Variants in NTM observed in about 807,000 individuals in gnomAD.
The protein encoded by NTM is neurotrimin.
In NTM, 13 loss-of-function variants were observed where a neutral mutation model predicts 42.1. The observed-to-expected ratio is 0.31, with a 90% CI of 0.20 to 0.49. The LOEUF is 0.49. Ranked by LOEUF, NTM falls within the 20% of genes least tolerant of loss-of-function variation. The probability of loss-of-function intolerance (pLI) is 0.99; values close to 1 mark genes in which losing one functional copy is unlikely to be tolerated. For synonymous variants in NTM, 187 were observed against 179.2 expected (o/e 1.04, Z -0.35); for missense variants, 373 against 452.8 (o/e 0.82, Z 1.60).
At chr11:132,000,243 C>T (rs1460409526) in intron 2 of NTM, among the ~76,000 whole-genome samples, 6 of 152,216 alleles carry the variant, frequency 3.9e-5, no homozygotes, top group Non-Finnish European at 8.8e-5. Context: ...TGCCCTGTTC[C>T]AATAGCCTCC....
intron 4 of NTM, among the ~76,000 whole-genome samples, chr11:132,259,088 G>A (rs1230897615): frequency 2.0e-5 from 3 of 152,178 alleles, no homozygotes; most frequent in Admixed American, 6.5e-5. Context: ...GTGAGTCACT[G>A]CTAGATACGG....
chr11:131,792,089 A>G (rs1179121250), intron 1 of NTM, among the ~76,000 whole-genome samples: 2 of 152,206 alleles, frequency 1.3e-5, no homozygotes, highest in Non-Finnish European at 2.9e-5. Flanking sequence ...TTTCTGTTTT[A>G]AATAACTTTC....
At chr11:131,776,851 A>G (rs919268583) in intron 1 of NTM, among the ~76,000 whole-genome samples, 6 of 152,120 alleles carry the variant, frequency 3.9e-5, no homozygotes, top group African/African-American at 1.4e-4. Flanking sequence ...CAGCCAGCCA[A>G]AGAAGGAAGA....
intron 4 of NTM, among the ~76,000 whole-genome samples, chr11:132,278,735 AT>A (rs1454618784): frequency 7.6e-6 from 1 of 131,670 alleles, no homozygotes; most frequent in Non-Finnish European, 1.6e-5. Flanking sequence ...CTTAACCTTC[AT>A]TTGGGCTTCT....
intron 1 of NTM, among the ~76,000 whole-genome samples, chr11:131,760,309 C>T (rs895768222): frequency 6.6e-6 from 1 of 152,086 alleles, no homozygotes; most frequent in African/African-American, 2.4e-5. Context: ...TTTTTATAGA[C>T]TTTCTGTTCC....
intron 2 of NTM, among the ~76,000 whole-genome samples, chr11:132,078,990 C>T (rs1291006123): frequency 6.6e-6 from 1 of 152,130 alleles, no homozygotes; most frequent in South Asian, 2.1e-4. Context: ...GCACACTTGA[C>T]CCTTGCATCC....
intron 8 of NTM, among the ~76,000 whole-genome samples, chr11:132,331,369 C>T (rs1342451107): frequency 6.6e-6 from 1 of 152,124 alleles, no homozygotes; most frequent in Non-Finnish European, 1.5e-5. Flanking sequence ...AGACACTCAG[C>T]CACAGGAATT....
intron 1 of NTM, among the ~76,000 whole-genome samples, chr11:131,517,605 T>C (rs2049061009): frequency 6.6e-6 from 1 of 152,222 alleles, no homozygotes. Context: ...TTCCCTTCTT[T>C]TGTTTTTAAG....
chr11:131,994,061 T>C (rs545762554), intron 2 of NTM, among the ~76,000 whole-genome samples: 1 of 148,362 alleles, frequency 6.7e-6, no homozygotes, highest in East Asian at 2.0e-4. Flanking sequence ...AGCAGCATAA[T>C]AGAAATCAAG....
intron 3 of NTM, among the ~76,000 whole-genome samples, chr11:132,157,904 G>A (rs2073536354): frequency 6.6e-6 from 1 of 152,102 alleles, no homozygotes; most frequent in Non-Finnish European, 1.5e-5. Flanking sequence ...TCCTGAGCAC[G>A]TCCTGCTAGA....
At chr11:131,499,560 G>A (rs751567228) in intron 1 of NTM, among the ~76,000 whole-genome samples, 50 of 152,162 alleles carry the variant, frequency 3.3e-4, no homozygotes, top group African/African-American at 8.2e-4. Flanking sequence ...AACACAAATC[G>A]GATCATATCA....
chr11:132,318,069 G>GT (rs1445686530), intron 7 of NTM, among the ~76,000 whole-genome samples: 1 of 152,210 alleles, frequency 6.6e-6, no homozygotes, highest in Non-Finnish European at 1.5e-5. Context: ...AGCAGAGTCA[G>GT]ACACCAAGCA....
chr11:132,269,622 C>T (rs1245629239), intron 4 of NTM, among the ~76,000 whole-genome samples: 2 of 152,250 alleles, frequency 1.3e-5, no homozygotes, highest in Middle Eastern at 3.4e-3. Flanking sequence ...AATGCTACAG[C>T]CAGGATTGGA....
intron 1 of NTM, among the ~76,000 whole-genome samples, chr11:131,585,041 C>A (rs1446260769): frequency 6.6e-6 from 1 of 152,210 alleles, no homozygotes; most frequent in Non-Finnish European, 1.5e-5. Flanking sequence ...TTTGTTCTTG[C>A]AACCAAGGCA....
At chr11:132,078,795 C>A (rs2058676212) in intron 2 of NTM, among the ~76,000 whole-genome samples, 1 of 152,212 alleles carries the variant, frequency 6.6e-6, no homozygotes, top group Non-Finnish European at 1.5e-5. Flanking sequence ...AAATGTTGTT[C>A]TTTAAGAGCC....
chr11:131,966,549 A>G (rs996064663), intron 2 of NTM, among the ~76,000 whole-genome samples: 1 of 152,180 alleles, frequency 6.6e-6, no homozygotes, highest in Non-Finnish European at 1.5e-5. Flanking sequence ...GAAAGAGGTG[A>G]AGGAATGATT....
intron 2 of NTM, among the ~76,000 whole-genome samples, chr11:131,938,549 T>C (rs1375090353): frequency 6.6e-6 from 1 of 152,142 alleles, no homozygotes; most frequent in African/African-American, 2.4e-5. Flanking sequence ...TTTCTCTGCG[T>C]ACAATGGAAA....
At chr11:132,269,992 G>A (rs1402455760) in intron 4 of NTM, among the ~76,000 whole-genome samples, 5 of 152,018 alleles carry the variant, frequency 3.3e-5, no homozygotes, top group South Asian at 4.2e-4. Flanking sequence ...CCTCTCCATC[G>A]AGCGAGAACA....
intron 1 of NTM, among the ~76,000 whole-genome samples, chr11:131,580,879 C>A (rs972231915): frequency 6.6e-6 from 1 of 152,144 alleles, no homozygotes; most frequent in South Asian, 2.1e-4. Context: ...ATCCCAGGAA[C>A]CACAGTCGCA....
Sources: allele counts gnomAD v4.1 joint callset (sites outside exome capture counted in the v4.1 genomes callset), GRCh38; gene constraint gnomAD v4.1.1; transcripts MANE v1.5; gene names NCBI Gene and HGNC (gene_info 2026-07-23, HGNC 2026-07-21).